The following SHROOM3 variants were observed in gnomAD, a reference collection of about 807,000 sequenced individuals.
SHROOM3 encodes shroom family member 3.
In SHROOM3, 47 loss-of-function variants were observed where a neutral mutation model predicts 138.6. That is an observed-to-expected ratio of 0.34 (90% CI 0.27 to 0.43). The LOEUF is 0.43. SHROOM3 is among the 20% of genes least tolerant of loss of function. SHROOM3 has a pLI of 1.00. For synonymous variants in SHROOM3, 1,062 were observed against 1,063.3 expected, an observed-to-expected ratio of 1.00 and a Z score of 0.02; for missense variants, 2,491 against 2,596.5, an observed-to-expected ratio of 0.96 and a Z score of 0.88.
chr4:76,578,092 G>A (rs1377027657), intron 2 of SHROOM3, among the ~76,000 whole-genome samples: 1 of 152,086 alleles, frequency 6.6e-6, no homozygotes, highest in East Asian at 1.9e-4. Context: ...TCCTGGTTAA[G>A]AAAAGAAGGT....
chr4:76,591,687 C>T (rs1044639821), intron 2 of SHROOM3, among the ~76,000 whole-genome samples: 15 of 131,866 alleles, frequency 1.1e-4, no homozygotes, highest in African/African-American at 3.3e-4. Flanking sequence ...TTAGTAATGG[C>T]GCCAACCTAC....
intron 7 of SHROOM3, 31 bp from the exon 8 acceptor site, chr4:76,756,418 T>TCTC (rs769241594): frequency 4.6e-3 from 1,953 of 426,704 alleles, no homozygotes; most frequent in East Asian, 0.013. Flanking sequence ...TCTCTCTCTC[T>TCTC]TTTTTTTTTT....
intron 2 of SHROOM3, among the ~76,000 whole-genome samples, chr4:76,560,730 C>CT (rs1218738763): frequency 6.6e-6 from 1 of 152,110 alleles, no homozygotes; most frequent in Non-Finnish European, 1.5e-5. Context: ...ATATTTCGTA[C>CT]TTTTTTATAA....
At chr4:76,577,421 T>A (rs1456572871) in intron 2 of SHROOM3, among the ~76,000 whole-genome samples, 1 of 152,168 alleles carries the variant, frequency 6.6e-6, no homozygotes, top group Non-Finnish European at 1.5e-5. Context: ...GCCCTGTTCT[T>A]CCAATCATTT....
intron 1 of SHROOM3, among the ~76,000 whole-genome samples, chr4:76,498,611 T>C (rs964012983): frequency 3.9e-5 from 6 of 152,080 alleles, no homozygotes; most frequent in Non-Finnish European, 7.4e-5. Context: ...TTTGACAAAA[T>C]AGAAACTGAA....
intron 1 of SHROOM3, among the ~76,000 whole-genome samples, chr4:76,541,125 A>G (rs1018858077): frequency 2.0e-5 from 3 of 152,142 alleles, no homozygotes; most frequent in Non-Finnish European, 4.4e-5. Flanking sequence ...TACATCCCCT[A>G]TATGTACGTT....
At chr4:76,462,032 C>G (rs1731151565) in intron 1 of SHROOM3, among the ~76,000 whole-genome samples, 1 of 152,298 alleles carries the variant, frequency 6.6e-6, no homozygotes, top group East Asian at 1.9e-4. Context: ...CCAAGGGCTT[C>G]CACTTGGCCC....
chr4:76,611,337 C>T (rs1191319477), intron 2 of SHROOM3, among the ~76,000 whole-genome samples: 3 of 150,130 alleles, frequency 2.0e-5, no homozygotes, highest in Non-Finnish European at 2.9e-5. Context: ...TTTTTTAACA[C>T]TGCATGATGA....
chr4:76,607,810 AC>A (rs1448143753), intron 2 of SHROOM3, among the ~76,000 whole-genome samples: 3 of 152,198 alleles, frequency 2.0e-5, no homozygotes, highest in Non-Finnish European at 4.4e-5. Context: ...GGGCATAGTT[AC>A]CACTAGCCCC....
chr4:76,742,282 C>G (rs920343768), intron 5 of SHROOM3, among the ~76,000 whole-genome samples: 1 of 149,438 alleles, frequency 6.7e-6, no homozygotes, highest in Non-Finnish European at 1.5e-5. Context: ...GAGTCTGGGT[C>G]TGAGTATTTT....
intron 2 of SHROOM3, among the ~76,000 whole-genome samples, chr4:76,584,878 T>A (rs186579296): frequency 6.6e-6 from 1 of 151,900 alleles, no homozygotes; most frequent in East Asian, 1.9e-4. Context: ...TTTGAACGAA[T>A]GCATCTATGA....
chr4:76,505,428 C>T (rs1014384650), intron 1 of SHROOM3, among the ~76,000 whole-genome samples: 1 of 152,076 alleles, frequency 6.6e-6, no homozygotes, highest in East Asian at 1.9e-4. Context: ...CTCTGGGACC[C>T]AACACTACAA....
In SHROOM3 at chr4:76,730,798, C is replaced by A. The variant is rs1369845576; in HGVS notation, c.456-6C>A. The A allele has an allele frequency of 6.2e-7, 1 of 1,613,724 alleles. No individual in the cohort carries two copies. The highest frequency in any genetic ancestry group is 8.5e-7 in the Non-Finnish European group (1 of 1,179,904). ...ATGTTGGGGGGTCCCTCCTGTGTCT[C>A]CCCAGGCGCAGTGAGCCTGCAGGCC... On this transcript the variant is annotated splice_polypyrimidine_tract_variant and splice_region_variant and intron_variant, in intron 3 of 10. Coordinates refer to ENST00000296043, the MANE Select transcript of SHROOM3 (RefSeq NM_020859.4).
chr4:76,771,894 G>C (rs961487025), intron 10 of SHROOM3, among the ~76,000 whole-genome samples: 2 of 152,134 alleles, frequency 1.3e-5, no homozygotes, highest in African/African-American at 4.8e-5. Context: ...GTGTCACTTA[G>C]TGGTCTAGGC....
At chr4:76,497,482 T>C (rs1167620131) in intron 1 of SHROOM3, among the ~76,000 whole-genome samples, 1 of 152,064 alleles carries the variant, frequency 6.6e-6, no homozygotes, top group African/African-American at 2.4e-5. Context: ...GACTGTGCAA[T>C]GTTTGGGGAA....
At chr4:76,597,469 T>G (rs1208695943) in intron 2 of SHROOM3, among the ~76,000 whole-genome samples, 1 of 152,164 alleles carries the variant, frequency 6.6e-6, no homozygotes, top group Non-Finnish European at 1.5e-5. Context: ...ATGTTTATTT[T>G]TACTATTTTG....
chr4:76,652,818 C>T (rs1326564673), intron 2 of SHROOM3, among the ~76,000 whole-genome samples: 5 of 151,260 alleles, frequency 3.3e-5, no homozygotes, highest in Non-Finnish European at 4.4e-5. Context: ...TATATATATA[C>T]ATATACACAC....
intron 2 of SHROOM3, among the ~76,000 whole-genome samples, chr4:76,672,782 C>A (rs755782673): frequency 2.0e-5 from 3 of 152,122 alleles, no homozygotes; most frequent in Non-Finnish European, 2.9e-5. Flanking sequence ...CCATGTTAGC[C>A]AGGATGGTCT....
chr4:76,768,833 C>G (rs1053769238), intron 9 of SHROOM3, among the ~76,000 whole-genome samples: 1 of 151,998 alleles, frequency 6.6e-6, no homozygotes, highest in African/African-American at 2.4e-5. Flanking sequence ...ATTTTTTAGC[C>G]ACCTGCAGCC....
Sources: gnomAD v4.1 joint callset for allele counts (sites outside exome capture counted in the v4.1 genomes callset) on GRCh38, gnomAD v4.1.1 for gene constraint, MANE v1.5 for transcripts, NCBI Gene and HGNC (gene_info 2026-07-23, HGNC 2026-07-21) for gene names.